Variants in CAPN5 observed in about 807,000 individuals in gnomAD.
The protein encoded by CAPN5 is calpain-5.
In CAPN5, 54 loss-of-function variants were observed where a neutral mutation model predicts 73.0. That is an observed-to-expected ratio of 0.74 (90% CI 0.59 to 0.93). The LOEUF (loss-of-function observed/expected upper bound fraction) is 0.93, where lower values mean the gene tolerates loss of function less well. CAPN5 is among the 40% of genes least tolerant of loss of function. The probability of loss-of-function intolerance (pLI) is 0.00; values close to 1 mark genes in which losing one functional copy is unlikely to be tolerated. For missense variants in CAPN5, 785 were observed against 882.9 expected (o/e 0.89, Z 1.41); for synonymous variants, 335 against 356.9 (o/e 0.94, Z 0.69).
chr11:77,096,028 C>T (rs1486161827), intron 3 of CAPN5, among the ~76,000 whole-genome samples: 1 of 152,180 alleles, frequency 6.6e-6, no homozygotes, highest in Non-Finnish European at 1.5e-5. Flanking sequence ...CCCTGCGGAG[C>T]TCATTACTGC....
At chr11:77,106,733 C>A (rs148448916) in intron 3 of CAPN5, among the ~76,000 whole-genome samples, 3 of 152,360 alleles carry the variant, frequency 2.0e-5, no homozygotes, top group African/African-American at 4.8e-5. Context: ...CATAGACACA[C>A]GGTCTCCTCT....
At chr11:77,086,009 T>G (rs1216735132) in intron 2 of CAPN5, among the ~76,000 whole-genome samples, 1 of 152,116 alleles carries the variant, frequency 6.6e-6, no homozygotes, top group Non-Finnish European at 1.5e-5. Flanking sequence ...TGATGAGGTT[T>G]TTGCCCAAAG....
chr11:77,071,238 G>A (rs1348364304), intron 1 of CAPN5, among the ~76,000 whole-genome samples: 1 of 152,226 alleles, frequency 6.6e-6, no homozygotes, highest in African/African-American at 2.4e-5. Flanking sequence ...GAGCCTTGGA[G>A]GCTGGGCGCT....
chr11:77,089,008 A>C (rs1331507591), intron 2 of CAPN5, among the ~76,000 whole-genome samples: 2 of 152,076 alleles, frequency 1.3e-5, no homozygotes, highest in East Asian at 3.9e-4. Flanking sequence ...CCTGTGCACC[A>C]CTTTGTCCCC....
chr11:77,096,938 C>G (rs1950215030), intron 3 of CAPN5, among the ~76,000 whole-genome samples: 1 of 152,182 alleles, frequency 6.6e-6, no homozygotes. Flanking sequence ...AAATGCCTCC[C>G]ACAGCCAGGC....
intron 2 of CAPN5, among the ~76,000 whole-genome samples, chr11:77,092,054 T>G (rs1299572878): frequency 6.6e-6 from 1 of 152,112 alleles, no homozygotes; most frequent in Non-Finnish European, 1.5e-5. Context: ...ACCTCATCTC[T>G]ACAAAAAATT....
At chr11:77,084,119 C>A (rs377662180) in intron 1 of CAPN5, among the ~76,000 whole-genome samples, 1 of 152,208 alleles carries the variant, frequency 6.6e-6, no homozygotes, top group Non-Finnish European at 1.5e-5. Flanking sequence ...CCCTGCCAGC[C>A]GCTGTTCCTT....
intron 1 of CAPN5, among the ~76,000 whole-genome samples, chr11:77,077,998 T>C (rs1423330418): frequency 5.3e-5 from 8 of 152,216 alleles, no homozygotes; most frequent in African/African-American, 1.9e-4. Context: ...GCAAACATTT[T>C]TCCCATTCTG....
chr11:77,101,972 C>T (rs1950289577), intron 3 of CAPN5, among the ~76,000 whole-genome samples: 1 of 152,212 alleles, frequency 6.6e-6, no homozygotes, highest in Admixed American at 6.5e-5. Context: ...TGGTGCAGGG[C>T]TGCGGCACAG....
intron 3 of CAPN5, among the ~76,000 whole-genome samples, chr11:77,109,995 T>C (rs1950395258): frequency 6.6e-6 from 1 of 152,148 alleles, no homozygotes; most frequent in Non-Finnish European, 1.5e-5. Flanking sequence ...GGGCCAGGCC[T>C]GTGTTCTCAG....
intron 3 of CAPN5, chr11:77,102,915 C>T (rs2233546): frequency 0.055 from 88,834 of 1,612,714 alleles, 3,369 homozygotes; most frequent in Admixed American, 0.19. Flanking sequence ...CAGGCAGATG[C>T]GGCTACGCGT....
At chr11:77,093,607 C>T (rs991725377) in intron 2 of CAPN5, 75 bp from the exon 3 acceptor site, 15 of 1,438,100 alleles carry the variant, frequency 1.0e-5, no homozygotes, top group Non-Finnish European at 1.4e-5. Context: ...ACGTCTGTGT[C>T]TGTCATGTCT....
rs1383307545 is a variant in CAPN5 at position 77,106,275 on chromosome 11, C to T, written c.298-6314C>T. 2.0e-5 allele frequency among the ~76,000 whole-genome samples: 3 copies of T among 151,056 alleles called. No individual in the cohort carries two copies. The East Asian group carries it at 5.9e-4, about 30-fold the overall frequency. On this transcript the variant is annotated intron_variant, in intron 3 of 12. Coordinates refer to ENST00000648180, the MANE Select transcript of CAPN5 (RefSeq NM_004055.5). ...CCAGCCCCGCACCCAACCCCCACCC[C>T]CGGTCTCTCAGGGGTCTCTGCCTCC...
At chr11:77,122,189 T>C (rs1950526169) in intron 11 of CAPN5, 140 bp downstream of exon 11, 3 of 583,702 alleles carry the variant, frequency 5.1e-6, no homozygotes, top group Non-Finnish European at 9.0e-6. Flanking sequence ...TGATGCCTGA[T>C]GCTGGGCACA....
chr11:77,087,766 C>T (rs1339433072), intron 2 of CAPN5, among the ~76,000 whole-genome samples: 4 of 152,032 alleles, frequency 2.6e-5, no homozygotes, highest in African/African-American at 7.2e-5. Context: ...CTCTCTTGCT[C>T]GTCTTCTCCT....
Position 77,112,592 on chromosome 11 carries a change from A to G in CAPN5, c.301A>G (p.Ile101Val). The G allele has an allele frequency of 2.5e-6, 4 of 1,602,826 alleles. No homozygotes were observed. Among genetic ancestry groups the G allele is most frequent in the Non-Finnish European group, 2.6e-6 (3 of 1,174,656 alleles). ...ASRESLWQKV[I>V]PDWKEQEWDP... ...TATCCCCCCTCCCCCTACCCAGGTC[A>G]TCCCAGACTGGAAGGAGCAGGAATG... is the stretch of plus-strand genomic sequence containing the variant. The change falls in exon 4 of 13, where the codon ATC (isoleucine) becomes GTC (valine). Residue 101 changes from isoleucine (I) to valine (V), a missense_variant. Physicochemically the swap from Ile to Val is conservative, Grantham distance 29 (BLOSUM62 3). Coordinates refer to ENST00000648180, the MANE Select transcript of CAPN5 (RefSeq NM_004055.5).
intron 1 of CAPN5, among the ~76,000 whole-genome samples, chr11:77,077,018 G>A (rs996936910): frequency 6.6e-6 from 1 of 151,964 alleles, no homozygotes; most frequent in Admixed American, 6.6e-5. Context: ...CCATATCCTC[G>A]CCCACACTTA....
chr11:77,106,264 A>G (rs1449236791), intron 3 of CAPN5, among the ~76,000 whole-genome samples: 1 of 23,906 alleles, frequency 4.2e-5, no homozygotes, highest in Non-Finnish European at 9.0e-5. Context: ...CCCCGCACCC[A>G]ACCCCCACCC....
intron 3 of CAPN5, among the ~76,000 whole-genome samples, chr11:77,109,429 T>C (rs1433360421): frequency 1.3e-5 from 2 of 152,196 alleles, no homozygotes; most frequent in Non-Finnish European, 1.5e-5. Context: ...TAGTGACTAA[T>C]TGTTTTTGTA....
Sources: gnomAD v4.1 joint callset for allele counts (sites outside exome capture counted in the v4.1 genomes callset) on GRCh38, gnomAD v4.1.1 for gene constraint, MANE v1.5 for transcripts, NCBI Gene and HGNC (gene_info 2026-07-23, HGNC 2026-07-21) for gene names.